SGCZ: variants seen among roughly 807,000 people sequenced by gnomAD.
The protein encoded by SGCZ is zeta-sarcoglycan.
A neutral mutation model predicts 41.3 loss-of-function variants in SGCZ; 40 were observed. The ratio of observed to expected loss-of-function variants is 0.97; its 90% CI spans 0.75 to 1.26. SGCZ has a LOEUF of 1.26. Among genes scored for constraint, SGCZ ranks in the 50% most tolerant of loss-of-function variants. The pLI is 0.00. For synonymous variants in SGCZ, 206 were observed against 137.5 expected (o/e 1.50, Z -3.49); for missense variants, 552 against 369.8 (o/e 1.49, Z -4.04).
At chr8:15,158,844 T>G (rs183107803) in intron 1 of SGCZ, among the ~76,000 whole-genome samples, 27 of 152,292 alleles carry the variant, frequency 1.8e-4, no homozygotes, top group African/African-American at 5.5e-4. Context: ...CTAGAAATAT[T>G]ATGTGAAGTC....
chr8:14,923,665 TG>T (rs1799658454), intron 1 of SGCZ, among the ~76,000 whole-genome samples: 1 of 152,196 alleles, frequency 6.6e-6, no homozygotes, highest in African/African-American at 2.4e-5. Flanking sequence ...AACATAAAGT[TG>T]CATGGAATTT....
chr8:14,918,369 T>C (rs921976250), intron 1 of SGCZ, among the ~76,000 whole-genome samples: 3 of 152,090 alleles, frequency 2.0e-5, no homozygotes, highest in African/African-American at 4.8e-5. Context: ...GCACATGGAT[T>C]AAACACAACT....
At chr8:15,205,759 T>G (rs375088467) in intron 1 of SGCZ, among the ~76,000 whole-genome samples, 9 of 152,342 alleles carry the variant, frequency 5.9e-5, no homozygotes, top group South Asian at 2.1e-4. Flanking sequence ...ATCCCATTAC[T>G]GGGTATATAC....
intron 2 of SGCZ, among the ~76,000 whole-genome samples, chr8:14,451,561 A>T (rs994302601): frequency 6.6e-6 from 1 of 152,216 alleles, no homozygotes; most frequent in Non-Finnish European, 1.5e-5. Context: ...TACAAGCCAC[A>T]AACTGGGAGA....
chr8:14,754,930 C>G (rs1221982515), intron 1 of SGCZ, among the ~76,000 whole-genome samples: 1 of 152,056 alleles, frequency 6.6e-6, no homozygotes, highest in Non-Finnish European at 1.5e-5. Flanking sequence ...GGCGTTTCAC[C>G]ATTTTGCCCA....
intron 1 of SGCZ, among the ~76,000 whole-genome samples, chr8:14,969,581 G>A (rs1034966851): frequency 1.3e-5 from 2 of 151,722 alleles, no homozygotes; most frequent in African/African-American, 4.8e-5. Flanking sequence ...AACACTGTAG[G>A]TTAGTTGACA....
At chr8:15,153,663 C>A (rs983507429) in intron 1 of SGCZ, among the ~76,000 whole-genome samples, 5 of 152,134 alleles carry the variant, frequency 3.3e-5, no homozygotes, top group African/African-American at 1.2e-4. Flanking sequence ...GCACTTTCCC[C>A]CCACCCTCTC....
chr8:14,311,270 A>T (rs1801533290), intron 3 of SGCZ, among the ~76,000 whole-genome samples: 1 of 152,116 alleles, frequency 6.6e-6, no homozygotes, highest in African/African-American at 2.4e-5. Flanking sequence ...CCTGACTTCT[A>T]AAGAAGAGTA....
At chr8:14,984,958 T>C (rs945041025) in intron 1 of SGCZ, among the ~76,000 whole-genome samples, 1 of 152,074 alleles carries the variant, frequency 6.6e-6, no homozygotes, top group Non-Finnish European at 1.5e-5. Context: ...ACAGTATCTG[T>C]AGATTCCAAC....
chr8:14,169,316 C>G (rs1031064169), intron 4 of SGCZ, among the ~76,000 whole-genome samples: 7 of 152,158 alleles, frequency 4.6e-5, no homozygotes, highest in African/African-American at 1.7e-4. Context: ...TCCTAAGACC[C>G]TTGGCTGACA....
chr8:14,401,793 G>C (rs1157416214), intron 2 of SGCZ, among the ~76,000 whole-genome samples: 2 of 150,822 alleles, frequency 1.3e-5, no homozygotes, highest in Admixed American at 1.3e-4. Context: ...AGTCCTTTGG[G>C]TATATACCCA....
intron 1 of SGCZ, among the ~76,000 whole-genome samples, chr8:14,700,383 A>G (rs539167116): frequency 3.9e-5 from 6 of 152,028 alleles, no homozygotes; most frequent in Non-Finnish European, 8.8e-5. Flanking sequence ...ACCACATGTT[A>G]TCTATTATAA....
intron 1 of SGCZ, among the ~76,000 whole-genome samples, chr8:15,067,045 G>C (rs377120166): frequency 2.6e-5 from 4 of 152,014 alleles, no homozygotes; most frequent in African/African-American, 9.7e-5. Context: ...ATGAATACGC[G>C]GTCATACACA....
chr8:15,063,422 A>G (rs533159231), intron 1 of SGCZ, among the ~76,000 whole-genome samples: 1 of 152,308 alleles, frequency 6.6e-6, no homozygotes, highest in African/African-American at 2.4e-5. Context: ...TTATATTACA[A>G]AGAAAACAAC....
chr8:14,503,493 G>A (rs768218308), intron 2 of SGCZ, among the ~76,000 whole-genome samples: 19 of 152,110 alleles, frequency 1.2e-4, no homozygotes, highest in Non-Finnish European at 2.4e-4. Flanking sequence ...AACGCGGCCA[G>A]TCTCAGTGGC....
chr8:14,394,823 A>C (rs1184112242), intron 2 of SGCZ, among the ~76,000 whole-genome samples: 1 of 152,192 alleles, frequency 6.6e-6, no homozygotes, highest in African/African-American at 2.4e-5. Flanking sequence ...ATTGTGTCTA[A>C]GTTGCCTGTT....
At chr8:15,116,893 C>T (rs553429409) in intron 1 of SGCZ, among the ~76,000 whole-genome samples, 2 of 152,318 alleles carry the variant, frequency 1.3e-5, no homozygotes, top group Non-Finnish European at 2.9e-5. Flanking sequence ...ACTACAATCA[C>T]AGATACGTAT....
chr8:15,166,557 C>A (rs1402488418), intron 1 of SGCZ, among the ~76,000 whole-genome samples: 1 of 152,096 alleles, frequency 6.6e-6, no homozygotes, highest in East Asian at 1.9e-4. Context: ...CGATGCACAA[C>A]CTTCTTTAGG....
intron 1 of SGCZ, among the ~76,000 whole-genome samples, chr8:14,705,558 G>A (rs1221843232): frequency 6.6e-6 from 1 of 151,880 alleles, no homozygotes; most frequent in Non-Finnish European, 1.5e-5. Context: ...TAGTTTTGAA[G>A]CAATTTAATA....
Sources: gnomAD v4.1 joint callset for allele counts (sites outside exome capture counted in the v4.1 genomes callset) on GRCh38, gnomAD v4.1.1 for gene constraint, MANE v1.5 for transcripts, NCBI Gene and HGNC (gene_info 2026-07-23, HGNC 2026-07-21) for gene names.